Variants in LRGUK observed in about 807,000 individuals in gnomAD.
LRGUK encodes leucine-rich repeat and guanylate kinase domain-containing protein.
In LRGUK, 65 loss-of-function variants were observed where a neutral mutation model predicts 76.0. That is an observed-to-expected ratio of 0.85 (90% CI 0.70 to 1.05). The LOEUF (loss-of-function observed/expected upper bound fraction) is 1.05. Ranked by LOEUF, LRGUK falls within the 50% of genes least tolerant of loss-of-function variation. LRGUK has a pLI of 0.00. For missense variants in LRGUK, 758 were observed against 732.8 expected, an observed-to-expected ratio of 1.03 and a Z score of -0.40; for synonymous variants, 268 against 265.6, an observed-to-expected ratio of 1.01 and a Z score of -0.09.
intron 19 of LRGUK, among the ~76,000 whole-genome samples, chr7:134,260,290 T>C (rs998005496): frequency 2.0e-5 from 3 of 152,172 alleles, no homozygotes; most frequent in Non-Finnish European, 2.9e-5. Context: ...AATTGCTAGA[T>C]ACCTGCTAGA....
At chr7:134,193,217 G>T (rs989970459) in intron 12 of LRGUK, among the ~76,000 whole-genome samples, 1 of 152,060 alleles carries the variant, frequency 6.6e-6, no homozygotes, top group African/African-American at 2.4e-5. Flanking sequence ...CTATATTTTG[G>T]CAGTTCAGTT....
chr7:134,250,260 T>G (rs1802412292), intron 18 of LRGUK, among the ~76,000 whole-genome samples: 1 of 152,178 alleles, frequency 6.6e-6, no homozygotes, highest in African/African-American at 2.4e-5. Context: ...GGATATATAT[T>G]TTATTTCTGT....
At chr7:134,231,472 T>C (rs1179698742) in intron 16 of LRGUK, among the ~76,000 whole-genome samples, 1 of 148,988 alleles carries the variant, frequency 6.7e-6, no homozygotes, top group Non-Finnish European at 1.5e-5. Context: ...TCCTTCCTTC[T>C]TTGTTTCCTC....
intron 4 of LRGUK, 123 bp from the exon 5 acceptor site, chr7:134,148,115 G>T: frequency 5.0e-6 from 3 of 595,938 alleles, no homozygotes; most frequent in Non-Finnish European, 2.9e-6. Context: ...GCCTTAGTGT[G>T]TACTTTCAGT....
chr7:134,270,504 C>G, the LRGUK span, among the ~76,000 whole-genome samples: 1 of 152,024 alleles, frequency 6.6e-6, no homozygotes, highest in East Asian at 1.9e-4. Context: ...GATTTCCCAC[C>G]CTGATGTAAC....
chr7:134,135,713 T>C (rs959702948), intron 1 of LRGUK, among the ~76,000 whole-genome samples: 1 of 152,182 alleles, frequency 6.6e-6, no homozygotes, highest in Non-Finnish European at 1.5e-5. Flanking sequence ...TGGAGTGTGG[T>C]GGCACAATCT....
downstream of LRGUK, among the ~76,000 whole-genome samples, chr7:134,210,840 C>T (rs77103757): frequency 0.039 from 5,895 of 152,230 alleles, 238 homozygotes; most frequent in East Asian, 0.15. Context: ...GAGAAGCGAA[C>T]CTGAAAACAT....
chr7:134,195,763 G>T (rs1213936915), intron 12 of LRGUK, among the ~76,000 whole-genome samples: 1 of 152,110 alleles, frequency 6.6e-6, no homozygotes, highest in African/African-American at 2.4e-5. Context: ...CACAGTATTT[G>T]TTCCAAATAA....
At chr7:134,159,470 T>C (rs1798628400) in intron 6 of LRGUK, among the ~76,000 whole-genome samples, 1 of 152,158 alleles carries the variant, frequency 6.6e-6, no homozygotes, top group Admixed American at 6.5e-5. Context: ...TTTCTTTCCC[T>C]TAGCTTAGAG....
chr7:134,185,453 C>T lies in LRGUK; in HGVS notation c.1334+1600C>T, dbSNP rs1353854205. 2.0e-5 allele frequency among the ~76,000 whole-genome samples: 3 copies of T among 150,960 alleles called. 1 individual carries two copies. Among genetic ancestry groups the T allele is most frequent in the South Asian group, 4.2e-4 (2 of 4,776 alleles). On this transcript the variant is annotated intron_variant, in intron 11 of 15. Coordinates refer to ENST00000645682, the Ensembl canonical transcript of LRGUK. Reference sequence around the variant, plus strand: ...GCGCACACCTGTAATCCCAGCTGCTCGGGAGGCTGAGACATGAGAATCCAA... The same window carrying T: ...GCGCACACCTGTAATCCCAGCTGCTTGGGAGGCTGAGACATGAGAATCCAA...
At chr7:134,165,287 A>G (rs1383134276) in intron 7 of LRGUK, among the ~76,000 whole-genome samples, 2 of 152,210 alleles carry the variant, frequency 1.3e-5, no homozygotes, top group Admixed American at 1.3e-4. Context: ...ATGAAGAAAC[A>G]GGGGCAGAAA....
exon 1 of LRGUK, chr7:134,127,454 G>A: frequency 6.2e-7 from 1 of 1,613,966 alleles, no homozygotes; most frequent in Non-Finnish European, 8.5e-7. Context: ...GAGCCCGATC[G>A]TTACAGTTTC....
At chr7:134,237,149 G>C (rs1457929299) in intron 16 of LRGUK, among the ~76,000 whole-genome samples, 1 of 150,728 alleles carries the variant, frequency 6.6e-6, no homozygotes, top group Non-Finnish European at 1.5e-5. Context: ...CCACCTCCCG[G>C]GTTCAAGTGA....
intron 18 of LRGUK, among the ~76,000 whole-genome samples, chr7:134,251,970 C>T (rs1234691049): frequency 1.3e-5 from 2 of 152,078 alleles, no homozygotes; most frequent in Admixed American, 6.6e-5. Flanking sequence ...GCTTCTTGGG[C>T]AAGCTCAGTA....
chr7:134,234,483 T>A (rs1801971768), intron 16 of LRGUK, among the ~76,000 whole-genome samples: 7 of 152,208 alleles, frequency 4.6e-5, no homozygotes, highest in Admixed American at 3.9e-4. Context: ...ATTCCTTTCT[T>A]CATTGTTGTT....
exon 7 of LRGUK, chr7:134,163,454 C>G: frequency 3.1e-6 from 5 of 1,613,898 alleles, no homozygotes; most frequent in Non-Finnish European, 4.2e-6. Context: ...CCTGCAGAAC[C>G]TGGATCTGTC....
intron 1 of LRGUK, among the ~76,000 whole-genome samples, chr7:134,128,062 T>C (rs562351800): frequency 4.1e-5 from 6 of 148,130 alleles, no homozygotes; most frequent in African/African-American, 1.3e-4. Flanking sequence ...GGCTATGACA[T>C]ACTTCCACAC....
chr7:134,236,466 C>T (rs1314535978), intron 16 of LRGUK, among the ~76,000 whole-genome samples: 3 of 152,202 alleles, frequency 2.0e-5, no homozygotes, highest in African/African-American at 4.8e-5. Flanking sequence ...TAGACTGTAG[C>T]ATCTCCCACA....
At chr7:134,151,198 TGAG>T (rs1327672030) in intron 5 of LRGUK, among the ~76,000 whole-genome samples, 5 of 152,262 alleles carry the variant, frequency 3.3e-5, no homozygotes, top group African/African-American at 9.6e-5. Flanking sequence ...ATTAATCTCT[TGAG>T]GAGAAGAAAA....
Sources: allele counts gnomAD v4.1 joint callset (sites outside exome capture counted in the v4.1 genomes callset), GRCh38; gene constraint gnomAD v4.1.1; transcripts MANE v1.5; gene names NCBI Gene and HGNC (gene_info 2026-07-23, HGNC 2026-07-21).